MYT1: variants seen among roughly 807,000 people sequenced by gnomAD.
The protein encoded by MYT1 is myelin transcription factor I.
MYT1 carries 23 observed loss-of-function variants against 123.0 expected under a neutral mutation model. That is an observed-to-expected ratio of 0.19 (90% CI 0.13 to 0.26). MYT1 has a LOEUF of 0.26. MYT1 is among the 10% of genes least tolerant of loss of function. The pLI is 1.00. For synonymous variants in MYT1, 518 were observed against 575.3 expected (o/e 0.90, Z 1.43); for missense variants, 1,125 against 1,472.5 (o/e 0.76, Z 3.86).
intron 19 of MYT1, among the ~76,000 whole-genome samples, chr20:64,235,522 A>T (rs868368295): frequency 2.6e-5 from 2 of 76,590 alleles, no homozygotes; most frequent in East Asian, 3.8e-4. Flanking sequence ...TGGGCTGGCC[A>T]TGGTATGTGA....
rs779615817 is a variant in MYT1 at position 64,217,196 on chromosome 20, C to T, written c.1761C>T (p.Tyr587=). ...AGTTCTCCAAGGTCACCTTTGACTA[C>T]GCAAGTTTCGATGCTCAGGTTTTTG... ...LEKFSKVTFD[Y]ASFDAQVFGK... Residue 587 remains tyrosine (Y), a synonymous_variant, in exon 11 of 23, where the codon TAC becomes TAT. Coordinates refer to ENST00000328439, the MANE Select transcript of MYT1 (RefSeq NM_004535.3). The T allele has an allele frequency of 5.6e-6, 9 of 1,614,152 alleles. No homozygotes were observed. The highest frequency in any genetic ancestry group is 2.2e-5 in the East Asian group (1 of 44,900).
At chr20:64,179,895 A>G (rs1236198426) in intron 1 of MYT1, among the ~76,000 whole-genome samples, 1 of 151,632 alleles carries the variant, frequency 6.6e-6, no homozygotes, top group Non-Finnish European at 1.5e-5. Context: ...CACACGCTAC[A>G]CAGTTACATG....
intron 18 of MYT1, among the ~76,000 whole-genome samples, chr20:64,230,385 C>T (rs894025167): frequency 8.5e-5 from 13 of 152,056 alleles, no homozygotes; most frequent in African/African-American, 2.9e-4. Context: ...TGGTGGCGGG[C>T]GCCTGTAATC....
rs146615190 is a variant in MYT1, at chr20:64,182,957, G to C, written c.-98-7106G>C. On this transcript the variant is annotated intron_variant, in intron 1 of 22. Transcript: ENST00000328439. ...TTCAGTGGTTTTAGCGTACGTGTAG[G>C]GTTGTACATCTATCACCACAGCCCA... Among the ~76,000 whole-genome samples the C allele has an allele frequency of 2.8e-3, 430 of 152,310 alleles. 2 individuals carry two copies. Among genetic ancestry groups the C allele is most frequent in the African/African-American group, 9.8e-3 (408 of 41,568 alleles).
chr20:64,171,685 A>ACCCTAAC (rs527847895), intron 1 of MYT1, among the ~76,000 whole-genome samples: 62 of 140,996 alleles, frequency 4.4e-4, no homozygotes, highest in African/African-American at 1.5e-3. Flanking sequence ...AGGAACCCAA[A>ACCCTAAC]CCCTAACCCC....
intron 17 of MYT1, 113 bp from the exon 18 acceptor site, chr20:64,227,775 C>T (rs1034631860): frequency 6.5e-6 from 4 of 611,240 alleles, no homozygotes; most frequent in South Asian, 1.9e-5. Flanking sequence ...TGCCCTCACT[C>T]CCTCCCACCC....
chr20:64,177,953 C>G (rs996159226), intron 1 of MYT1, among the ~76,000 whole-genome samples: 1 of 152,146 alleles, frequency 6.6e-6, no homozygotes, highest in African/African-American at 2.4e-5. Flanking sequence ...GGGCTGGGGC[C>G]GGCACCTGCC....
intron 4 of MYT1, 61 bp from the exon 5 acceptor site, chr20:64,204,974 G>A (rs1983438866): frequency 4.5e-6 from 7 of 1,560,790 alleles, no homozygotes; most frequent in Middle Eastern, 1.7e-4. Flanking sequence ...GAAGGTCTGC[G>A]ACAGGCTCTG....
At chr20:64,221,536 T>C (rs572365273) in intron 13 of MYT1, among the ~76,000 whole-genome samples, 1 of 152,350 alleles carries the variant, frequency 6.6e-6, no homozygotes, top group East Asian at 1.9e-4. Flanking sequence ...GTCTATTGAG[T>C]GCCATCCCTG....
At position 64,211,488 on chromosome 20, in the gene MYT1, G is replaced by A. The variant is rs569949713; in HGVS notation, c.1426+148G>A. On this transcript the variant is annotated intron_variant, in intron 8 of 22. Coordinates refer to ENST00000328439, the MANE Select transcript of MYT1 (RefSeq NM_004535.3). ...CAGATGCTCATCCTTACATCTCCCC[G>A]CTTTCCCCCACAAACTCCCTCAGCC... 287 of 846,030 alleles carry A rather than the reference G, an allele frequency of 3.4e-4. 5 individuals are homozygous for A. In the South Asian group the frequency reaches 5.0e-3, roughly 15 times the overall value. The allele number at this position is 846,030 out of a possible 1,614,324, so 52.4% of individuals were successfully genotyped here.
rs1357171299 is a variant in MYT1, at chr20:64,241,933, G to A, written c.*1485G>A. The A allele has an allele frequency of 6.6e-6, 1 of 152,194 alleles. No homozygotes were observed. Among genetic ancestry groups the A allele is most frequent in the Non-Finnish European group, 1.5e-5 (1 of 68,000 alleles). 9.4% of individuals were successfully genotyped at this position (152,194 alleles called of 1,614,324 possible). On this transcript the variant is annotated 3_prime_UTR_variant, in exon 23 of 23. Transcript: ENST00000328439. The surrounding 1 kb of genome is among the most constrained non-coding windows in gnomAD (Gnocchi z 4.2). ...ATTTTGGTTTTCTTTTTCCATTTTGGGTTCCTTTTGTTTCAGGCACGGATA... is the reference window on the plus strand; with the variant it reads ...ATTTTGGTTTTCTTTTTCCATTTTGAGTTCCTTTTGTTTCAGGCACGGATA...
intron 13 of MYT1, 150 bp downstream of exon 13, chr20:64,220,132 C>T: frequency 7.2e-7 from 1 of 1,380,432 alleles, no homozygotes; most frequent in South Asian, 1.8e-5. Flanking sequence ...AAGGGTCCTT[C>T]ATCTTCTGAG....
At chr20:64,195,353 ACTGT>A (rs1983079508) in intron 2 of MYT1, among the ~76,000 whole-genome samples, 1 of 100,856 alleles carries the variant, frequency 9.9e-6, no homozygotes, top group Non-Finnish European at 2.0e-5. Flanking sequence ...CATGGTGAGA[ACTGT>A]GTGTGTGTGT....
rs1425880399 is a variant in MYT1 at position 64,227,430 on chromosome 20, C to T, written c.2544C>T (p.Gly848=). 1 of 1,612,790 alleles carries T rather than the reference C, an allele frequency of 6.2e-7. No individual in the cohort carries two copies. The highest frequency in any genetic ancestry group is 1.7e-5 in the Admixed American group (1 of 60,024). ...CCCTCTGCAGGTGCCCCACGCCCGG[C>T]TGTGACGGCTCTGGCCACATCACAG... is the stretch of plus-strand genomic sequence containing the variant. ...HSADLKCPTP[G]CDGSGHITGN... Residue 848 remains glycine (G), a synonymous_variant, in exon 17 of 23, where the codon GGC becomes GGT. Transcript: ENST00000328439.
In MYT1 at chr20:64,219,814, C is replaced by T. The variant is rs1983946814; in HGVS notation, c.2073C>T (p.Ser691=). The change falls in exon 13 of 23, where the codon AGC becomes AGT. Residue 691 remains serine (S), a synonymous_variant. Transcript: ENST00000328439. ...TCCCCAGCAGCAGCAGCTGCAGCAG[C>T]AGCCCCGGTGTGAAGTCTCCCGACG... ...NAFPSSSSCS[S]SPGVKSPDAS... is the part of the protein sequence containing the mutation. The T allele has an allele frequency of 6.2e-7, 1 of 1,613,648 alleles. No individual in the cohort carries two copies. Among genetic ancestry groups the T allele is most frequent in the African/African-American group, 1.3e-5 (1 of 74,938 alleles).
chr20:64,189,059 A>T lies in MYT1; in HGVS notation c.-98-1004A>T, dbSNP rs953389771. On this transcript the variant is annotated intron_variant, in intron 1 of 22. Coordinates refer to ENST00000328439, the MANE Select transcript of MYT1 (RefSeq NM_004535.3). This position sits in a 1 kb window ranked among gnomAD's most constrained non-coding sequence, Gnocchi z 5.5. Reference sequence around the variant, plus strand: ...GATGGAAGCATTTCCAGATAAGAAGAGGGTGCTGTGGCCAGAGGCACAGGG... The same window carrying T: ...GATGGAAGCATTTCCAGATAAGAAGTGGGTGCTGTGGCCAGAGGCACAGGG... Among the ~76,000 whole-genome samples the T allele has an allele frequency of 5.3e-5, 8 of 152,234 alleles. No individual in the cohort carries two copies. Among genetic ancestry groups the T allele is most frequent in the African/African-American group, 1.9e-4 (8 of 41,462 alleles).
At position 64,218,992 on chromosome 20, in the gene MYT1, T is replaced by C. The variant is rs1286770758; in HGVS notation, c.1928T>C (p.Met643Thr). 1 of 1,613,686 alleles carries C rather than the reference T, an allele frequency of 6.2e-7. No homozygotes were observed. Among genetic ancestry groups the C allele is most frequent in the Non-Finnish European group, 8.5e-7 (1 of 1,180,016 alleles). Residue 643 changes from methionine to threonine, a missense_variant, in exon 12 of 23, where the codon ATG becomes ACG. By Grantham distance (81) the Met-to-Thr change is moderately conservative (BLOSUM62 -1). Around this residue, in one of 4 missense-constraint regions of MYT1, gnomAD observed 429 missense variants for 604.1 expected, o/e 0.71. Transcript: ENST00000328439. This position sits in a 1 kb window ranked among gnomAD's most constrained non-coding sequence, Gnocchi z 4.0. ...ILNLSTRCWE[M>T]PENLSTKPQD... ...AACCTCTCCACGCGCTGCTGGGAGA[T>C]GCCTGAGAACCTCAGCACGAAGCCA...
intron 16 of MYT1, among the ~76,000 whole-genome samples, chr20:64,226,937 G>C (rs1316978193): frequency 6.6e-6 from 1 of 152,240 alleles, no homozygotes; most frequent in East Asian, 1.9e-4. Context: ...GCTTTGTGAG[G>C]GCAAGCTCCC....
Position 64,218,799 on chromosome 20 carries a change from A to G in MYT1, c.1847-112A>G, listed in dbSNP as rs758774604. Reference sequence around the variant, plus strand: ...GCATTGCTGCCTCTTTTCAAGTTGTATATCAGCCTGGTGTTGTTCCCTTTT... The same window carrying G: ...GCATTGCTGCCTCTTTTCAAGTTGTGTATCAGCCTGGTGTTGTTCCCTTTT... On this transcript the variant is annotated intron_variant, in intron 11 of 22. Coordinates refer to ENST00000328439, the MANE Select transcript of MYT1 (RefSeq NM_004535.3). This position sits in a 1 kb window ranked among gnomAD's most constrained non-coding sequence, Gnocchi z 4.0. The G allele has an allele frequency of 4.3e-6, 6 of 1,382,482 alleles. No individual in the cohort carries two copies. The East Asian group carries it at 7.6e-5, about 18-fold the overall frequency. The allele number at this position is 1,382,482 out of a possible 1,614,324, so 85.6% of individuals were successfully genotyped here.
Sources: gnomAD v4.1 joint callset for allele counts (sites outside exome capture counted in the v4.1 genomes callset) on GRCh38, gnomAD v4.1.1 for gene constraint, gnomAD v4.1.1 regional missense constraint, Gnocchi (gnomAD v3.1) non-coding constraint, MANE v1.5 for transcripts, NCBI Gene and HGNC (gene_info 2026-07-23, HGNC 2026-07-21) for gene names.